TAFA5: variants seen among roughly 807,000 people sequenced by gnomAD.
The protein encoded by TAFA5 is TAFA chemokine like family member 5, also known as chemokine-like protein TAFA-5.
A neutral mutation model predicts 15.3 loss-of-function variants in TAFA5; 6 were observed. The observed-to-expected ratio is 0.39, with a 90% CI of 0.21 to 0.77. The LOEUF is 0.77. Among genes scored for constraint, TAFA5 ranks in the 30% least tolerant of loss-of-function variants. The pLI, the probability that TAFA5 is intolerant of heterozygous loss-of-function variation, is 0.41. For synonymous variants in TAFA5, 103 were observed against 80.7 expected (o/e 1.28, Z -1.48); for missense variants, 161 against 193.1 (o/e 0.83, Z 0.98).
rs548622915 is a variant in TAFA5, at chr22:48,558,170, G to A, written c.112+68466G>A. Among the ~76,000 whole-genome samples the A allele has an allele frequency of 3.9e-5, 6 of 152,250 alleles. No individual in the cohort carries two copies. The East Asian group carries it at 9.7e-4, about 25-fold the overall frequency. ...CAGTTCATTCTTATTCAGTGCCACC[G>A]TCGCAACATCCCAATCTAGTCATTA... is the stretch of plus-strand genomic sequence containing the variant. On this transcript the variant is annotated intron_variant, in intron 1 of 3. Transcript: ENST00000402357.
At chr22:48,670,671 G>C (rs559848027) in intron 2 of TAFA5, among the ~76,000 whole-genome samples, 1 of 152,234 alleles carries the variant, frequency 6.6e-6, no homozygotes, top group Non-Finnish European at 1.5e-5. Context: ...ATTTAGGAGC[G>C]GCTGGTTAAT....
intron 1 of TAFA5, among the ~76,000 whole-genome samples, chr22:48,581,571 G>A (rs982196949): frequency 1.3e-5 from 2 of 152,212 alleles, no homozygotes; most frequent in African/African-American, 2.4e-5. Flanking sequence ...GGCCGTGTCC[G>A]TGCTCAGTAG....
chr22:48,529,346 G>A (rs1921890274), intron 1 of TAFA5, among the ~76,000 whole-genome samples: 1 of 129,968 alleles, frequency 7.7e-6, no homozygotes, highest in Non-Finnish European at 1.6e-5. Flanking sequence ...TGTCCAGGCA[G>A]GAGATGAGGG....
intron 1 of TAFA5, among the ~76,000 whole-genome samples, chr22:48,597,167 C>T (rs1924794948): frequency 1.3e-5 from 2 of 152,256 alleles, no homozygotes; most frequent in Admixed American, 1.3e-4. Flanking sequence ...CGTGAACCAC[C>T]ATTGATGGTC....
At chr22:48,575,134 C>T (rs902042970) in intron 1 of TAFA5, among the ~76,000 whole-genome samples, 1 of 152,146 alleles carries the variant, frequency 6.6e-6, no homozygotes, top group African/African-American at 2.4e-5. Flanking sequence ...CCTGGGGTTT[C>T]CCTGTCTCTC....
chr22:48,658,093 G>A (rs527390123), intron 2 of TAFA5, among the ~76,000 whole-genome samples: 31 of 152,334 alleles, frequency 2.0e-4, no homozygotes, highest in Admixed American at 1.6e-3. Context: ...TGGTGCTGGC[G>A]CGGGCCCTGA....
intron 1 of TAFA5, among the ~76,000 whole-genome samples, chr22:48,604,588 C>T (rs1264801749): frequency 1.3e-5 from 2 of 152,258 alleles, no homozygotes; most frequent in African/African-American, 4.8e-5. Flanking sequence ...ACTCACTGGC[C>T]TTGGGCCAGG....
intron 1 of TAFA5, among the ~76,000 whole-genome samples, chr22:48,636,627 G>GCCTGTGTGGATCGCTCCGAGTGGCGGT (rs1337513862): frequency 6.6e-6 from 1 of 152,184 alleles, no homozygotes; most frequent in African/African-American, 2.4e-5. Flanking sequence ...TCTGTTGTGG[G>GCCTGTGTGGATCGCTCCGAGTGGCGGT]GAGACGCTCC....
intron 1 of TAFA5, among the ~76,000 whole-genome samples, chr22:48,514,609 G>T (rs917518717): frequency 6.6e-6 from 1 of 151,992 alleles, no homozygotes; most frequent in South Asian, 2.1e-4. Context: ...CTTATAAGCC[G>T]GGCAGCATGG....
chr22:48,613,660 C>G (rs1487272718), intron 1 of TAFA5, among the ~76,000 whole-genome samples: 2 of 152,218 alleles, frequency 1.3e-5, no homozygotes, highest in Non-Finnish European at 2.9e-5. Context: ...GGTTGAGGCT[C>G]CAGTCCGCAG....
At chr22:48,697,157 A>T (rs1366822052) in intron 2 of TAFA5, among the ~76,000 whole-genome samples, 1 of 152,206 alleles carries the variant, frequency 6.6e-6, no homozygotes. Flanking sequence ...ACTGGGGTGC[A>T]GTTAGGGCTT....
In TAFA5 at chr22:48,506,942, G is replaced by T. The variant is rs1269536426; in HGVS notation, c.112+17238G>T. On this transcript the variant is annotated intron_variant, in intron 1 of 3. Coordinates refer to ENST00000402357, the MANE Select transcript of TAFA5 (RefSeq NM_001082967.3). ...TTCCACAGGTGATTTGGAGCCTGCA[G>T]AAGGCATCCCCTCCAGCCCACAGCA... Among the ~76,000 whole-genome samples, 4 of 152,366 alleles carry T rather than the reference G, an allele frequency of 2.6e-5. No homozygotes were observed. In the South Asian group the frequency reaches 6.2e-4, roughly 24 times the overall value.
At chr22:48,712,796 C>T (rs540130286) in intron 3 of TAFA5, among the ~76,000 whole-genome samples, 2 of 152,348 alleles carry the variant, frequency 1.3e-5, no homozygotes, top group South Asian at 4.1e-4. Context: ...GTCCGCCCTC[C>T]TTCCCATTCC....
At chr22:48,558,352 A>G (rs953723668) in intron 1 of TAFA5, among the ~76,000 whole-genome samples, 7 of 152,308 alleles carry the variant, frequency 4.6e-5, no homozygotes, top group African/African-American at 1.4e-4. Context: ...AGACAAATTA[A>G]ATCTTGTTTT....
intron 1 of TAFA5, among the ~76,000 whole-genome samples, chr22:48,644,779 G>C (rs1201920486): frequency 6.6e-6 from 1 of 152,224 alleles, no homozygotes; most frequent in Non-Finnish European, 1.5e-5. Flanking sequence ...GGCTGCTGGA[G>C]AGCACCCGGG....
chr22:48,694,478 G>C (rs1928638414), intron 2 of TAFA5, among the ~76,000 whole-genome samples: 1 of 152,136 alleles, frequency 6.6e-6, no homozygotes, highest in South Asian at 2.1e-4. Flanking sequence ...GTGGGACAGA[G>C]ACTCCTCCCA....
intron 2 of TAFA5, among the ~76,000 whole-genome samples, chr22:48,699,290 C>A (rs897196613): frequency 6.6e-6 from 1 of 152,144 alleles, no homozygotes; most frequent in Non-Finnish European, 1.5e-5. Context: ...GTTCTGATTA[C>A]AATGTTGCAG....
chr22:48,737,374 G>A (rs936305302), intron 3 of TAFA5, among the ~76,000 whole-genome samples: 6 of 152,206 alleles, frequency 3.9e-5, no homozygotes, highest in Non-Finnish European at 7.3e-5. Context: ...AGTGGGAGGT[G>A]CTTCTGACGC....
intron 1 of TAFA5, among the ~76,000 whole-genome samples, chr22:48,501,532 G>C (rs929809952): frequency 7.9e-5 from 12 of 152,088 alleles, no homozygotes; most frequent in Non-Finnish European, 1.5e-4. Flanking sequence ...AGTCGGGGGT[G>C]CCTGGGGAGA....
Sources: gnomAD v4.1 joint callset for allele counts (sites outside exome capture counted in the v4.1 genomes callset) on GRCh38, gnomAD v4.1.1 for gene constraint, MANE v1.5 for transcripts, NCBI Gene and HGNC (gene_info 2026-07-23, HGNC 2026-07-21) for gene names.